Variants in ARMC9 observed in about 807,000 individuals in gnomAD.
ARMC9 encodes the protein lisH domain-containing protein ARMC9.
Under a neutral mutation model 107.0 loss-of-function variants are expected in ARMC9, and 94 were observed. That is an observed-to-expected ratio of 0.88 (90% CI 0.74 to 1.04). ARMC9 has a LOEUF of 1.04. Among genes scored for constraint, ARMC9 ranks in the 50% least tolerant of loss-of-function variants. The pLI is 0.00. For missense variants in ARMC9, 942 were observed against 1,030.1 expected, an observed-to-expected ratio of 0.91 and a Z score of 1.17; for synonymous variants, 380 against 396.9, an observed-to-expected ratio of 0.96 and a Z score of 0.51.
chr2:231,201,668 A>G (rs1290939994), intron 1 of ARMC9, among the ~76,000 whole-genome samples: 1 of 152,146 alleles, frequency 6.6e-6, no homozygotes, highest in Non-Finnish European at 1.5e-5. Flanking sequence ...CAGCCGCCTT[A>G]TGTGTGTTCC....
intron 19 of ARMC9, among the ~76,000 whole-genome samples, chr2:231,315,386 A>G (rs1255865410): frequency 1.3e-5 from 2 of 151,930 alleles, no homozygotes; most frequent in Non-Finnish European, 1.5e-5. Flanking sequence ...AAAATACAAA[A>G]AAATTAGCCA....
rs755769181 is a variant in ARMC9, at chr2:231,375,141, G to A, written c.*3606G>A. Among the ~76,000 whole-genome samples the A allele has an allele frequency of 2.6e-5, 4 of 152,218 alleles. No homozygotes were observed. Among genetic ancestry groups the A allele is most frequent in the East Asian group, 1.9e-4 (1 of 5,208 alleles). On this transcript the variant is annotated 3_prime_UTR_variant, in exon 25 of 25. Transcript: ENST00000611582. The surrounding 1 kb of genome is among the most constrained non-coding windows in gnomAD (Gnocchi z 4.3). Reference sequence around the variant, plus strand: ...TGGATCAGTGATGGGGGCTGGGCACGGACAGGCGATTCTTCTGCTGGGCTT... The same window carrying A: ...TGGATCAGTGATGGGGGCTGGGCACAGACAGGCGATTCTTCTGCTGGGCTT...
At position 231,292,228 on chromosome 2, in the gene ARMC9, A is replaced by G. The variant is rs528251193; in HGVS notation, c.1717+785A>G. Reference sequence around the variant, plus strand: ...AAGGCCAGATTGTCCAAAGATTAACAATCTCTTATCGTACTCTAGGCATAT... The same window carrying G: ...AAGGCCAGATTGTCCAAAGATTAACGATCTCTTATCGTACTCTAGGCATAT... On this transcript the variant is annotated intron_variant, in intron 18 of 24. Coordinates refer to ENST00000611582, the MANE Select transcript of ARMC9 (RefSeq NM_001352754.2). 4.6e-5 allele frequency among the ~76,000 whole-genome samples: 7 copies of G among 152,112 alleles called. No homozygotes were observed. In the South Asian group the frequency reaches 1.5e-3, roughly 32 times the overall value.
Position 231,208,126 on chromosome 2 carries a change from G to A in ARMC9, c.52-1G>A, listed in dbSNP as rs1405580816. The A allele has an allele frequency of 8.0e-7, 1 of 1,255,906 alleles. No individual in the cohort carries two copies. Among genetic ancestry groups the A allele is most frequent in the Non-Finnish European group, 1.1e-6 (1 of 875,602 alleles). 77.8% of individuals were successfully genotyped at this position (1,255,906 alleles called of 1,614,324 possible). On this transcript the variant is annotated splice_acceptor_variant, in intron 2 of 24. Transcript: ENST00000611582. LOFTEE classifies it high-confidence loss of function. ...TGAATTGAATTATTTATTTTTTATA[G>A]TATTTAGATTTTGCTGAATTTGAAG...
chr2:231,289,041 C>T (rs2040808339), intron 17 of ARMC9, among the ~76,000 whole-genome samples: 1 of 152,156 alleles, frequency 6.6e-6, no homozygotes, highest in South Asian at 2.1e-4. Flanking sequence ...CTTCTGTCTT[C>T]CTGGACATTG....
Position 231,358,676 on chromosome 2 carries a change from G to T in ARMC9, c.2132-2078G>T, listed in dbSNP as rs1224449516. On this transcript the variant is annotated intron_variant, in intron 22 of 24. Coordinates refer to ENST00000611582, the MANE Select transcript of ARMC9 (RefSeq NM_001352754.2). This position sits in a 1 kb window ranked among gnomAD's most constrained non-coding sequence, Gnocchi z 4.5. Reference sequence around the variant, plus strand: ...GAGTTTCTTGAGGAAGAGCCTTTGCGCTTTGCGTTCAGTCAGCACCGCAGG... The same window carrying T: ...GAGTTTCTTGAGGAAGAGCCTTTGCTCTTTGCGTTCAGTCAGCACCGCAGG... Among the ~76,000 whole-genome samples the T allele has an allele frequency of 6.6e-6, 1 of 152,150 alleles. No homozygotes were observed. The highest frequency in any genetic ancestry group is 2.4e-5 in the African/African-American group (1 of 41,424).
At position 231,256,636 on chromosome 2, in the gene ARMC9, T is replaced by A. The variant is rs777521211; in HGVS notation, c.914+16T>A. On this transcript the variant is annotated intron_variant, in intron 10 of 24. Transcript: ENST00000611582. ...TGGCACCCGTGTAAGTAACTGCTCT[T>A]AGGAATTTTTATTAAGGAGAACAGC... The A allele has an allele frequency of 1.9e-6, 3 of 1,611,822 alleles. No homozygotes were observed. Among genetic ancestry groups the A allele is most frequent in the Non-Finnish European group, 1.7e-6 (2 of 1,177,934 alleles).
At chr2:231,229,266 C>T (rs564185124) in intron 7 of ARMC9, among the ~76,000 whole-genome samples, 2 of 152,158 alleles carry the variant, frequency 1.3e-5, no homozygotes, top group Non-Finnish European at 2.9e-5. Context: ...GCTGTAATAA[C>T]CAAAGGCACA....
chr2:231,363,619 G>A (rs1397908856), intron 23 of ARMC9, among the ~76,000 whole-genome samples: 1 of 152,260 alleles, frequency 6.6e-6, no homozygotes, highest in East Asian at 1.9e-4. Context: ...TGGCGCAGTG[G>A]CTCACGCCTG....
Position 231,214,896 on chromosome 2 carries a change from C to T in ARMC9, c.243C>T (p.His81=), listed in dbSNP as rs752739750. ...QKVFFDLWEE[H]ISSSIRDGDS... ...TGTTCTTCGATCTGTGGGAGGAGCA[C>T]ATTTCAAGTTCCATCCGAGATGGGG... Residue 81 remains histidine (H), a synonymous_variant, in exon 4 of 25, where the codon CAC becomes CAT. Transcript: ENST00000611582. 2 of 1,614,148 alleles carry T rather than the reference C, an allele frequency of 1.2e-6. No homozygotes were observed. Among genetic ancestry groups the T allele is most frequent in the Non-Finnish European group, 1.7e-6 (2 of 1,180,026 alleles).
At chr2:231,366,128 GA>G (rs1253806600) in intron 23 of ARMC9, among the ~76,000 whole-genome samples, 5 of 152,360 alleles carry the variant, frequency 3.3e-5, no homozygotes, top group Admixed American at 6.5e-5. Flanking sequence ...TGATGGGGTA[GA>G]CCAGCAGGCT....
intron 21 of ARMC9, among the ~76,000 whole-genome samples, chr2:231,349,075 C>G (rs1000692556): frequency 6.6e-6 from 1 of 152,214 alleles, no homozygotes; most frequent in Non-Finnish European, 1.5e-5. Context: ...AGCAGTCCCG[C>G]TGCTGGGTAT....
At chr2:231,252,800 C>G (rs1973016) in intron 9 of ARMC9, among the ~76,000 whole-genome samples, 40,276 of 150,158 alleles carry the variant, frequency 0.27, 5,612 homozygotes, top group African/African-American at 0.31. Flanking sequence ...TCACAACCCC[C>G]TAATTTTTTT....
intron 16 of ARMC9, among the ~76,000 whole-genome samples, chr2:231,279,165 A>G (rs1330973132): frequency 6.6e-6 from 1 of 152,158 alleles, no homozygotes; most frequent in Non-Finnish European, 1.5e-5. Flanking sequence ...AGTCCTGCCA[A>G]ATTGTCCTCC....
At chr2:231,306,635 C>T (rs151123755) in intron 19 of ARMC9, among the ~76,000 whole-genome samples, 2,024 of 151,990 alleles carry the variant, frequency 0.013, 25 homozygotes, top group Non-Finnish European at 0.021. Context: ...GTATACATCT[C>T]GAGAGCAAGA....
At chr2:231,250,598 C>T (rs2037210620) in intron 9 of ARMC9, among the ~76,000 whole-genome samples, 1 of 152,054 alleles carries the variant, frequency 6.6e-6, no homozygotes, top group Non-Finnish European at 1.5e-5. Flanking sequence ...GGAAATGGTC[C>T]CTGAGAGCAT....
rs545995424 is a variant in ARMC9 at position 231,366,856 on chromosome 2, A to G, written c.2262-3097A>G. 1.2e-4 allele frequency among the ~76,000 whole-genome samples: 18 copies of G among 150,504 alleles called. 1 individual carries two copies. The East Asian group carries it at 3.7e-3, about 31-fold the overall frequency. On this transcript the variant is annotated intron_variant, in intron 23 of 24. Transcript: ENST00000611582. ...CTCTGTCTCAAAACAAAACCAAACAAATTTTTTTTTTTGAGACGGAGTCTC... is the reference window on the plus strand; with the variant it reads ...CTCTGTCTCAAAACAAAACCAAACAGATTTTTTTTTTTGAGACGGAGTCTC...
Position 231,256,319 on chromosome 2 carries a change from G to A in ARMC9, c.880-267G>A, listed in dbSNP as rs931157354. ...GAGGTTGCGCTGAGCTTGCTTGCTC[G>A]CTGGGTCTTGGATGTCGGGTTCGAC... On this transcript the variant is annotated intron_variant, in intron 9 of 24. Transcript: ENST00000611582. 4.7e-5 allele frequency: 73 copies of A among 1,550,644 alleles called. No individual in the cohort carries two copies. The African/African-American group carries it at 9.5e-4, about 20-fold the overall frequency.
intron 7 of ARMC9, among the ~76,000 whole-genome samples, chr2:231,234,858 G>A (rs1014718139): frequency 2.6e-5 from 4 of 152,150 alleles, no homozygotes; most frequent in African/African-American, 9.6e-5. Context: ...TGCCCGCCTC[G>A]GCCTCCCAAA....
Sources: allele counts gnomAD v4.1 joint callset (sites outside exome capture counted in the v4.1 genomes callset), GRCh38; gene constraint gnomAD v4.1.1; non-coding constraint Gnocchi (gnomAD v3.1); transcripts MANE v1.5; gene names NCBI Gene and HGNC (gene_info 2026-07-23, HGNC 2026-07-21).